The following NOL4L variants were observed in gnomAD, a reference collection of about 807,000 sequenced individuals.
NOL4L encodes the protein nucleolar protein 4-like.
Under a neutral mutation model 64.5 loss-of-function variants are expected in NOL4L, and 7 were observed. That is an observed-to-expected ratio of 0.11 (90% CI 0.06 to 0.20). The LOEUF is 0.20. Ranked by LOEUF, NOL4L falls within the 10% of genes least tolerant of loss-of-function variation. The pLI, the probability that NOL4L is intolerant of heterozygous loss-of-function variation, is 1.00. For missense variants in NOL4L, 680 were observed against 967.1 expected, an observed-to-expected ratio of 0.70 and a Z score of 3.94; for synonymous variants, 413 against 401.0, an observed-to-expected ratio of 1.03 and a Z score of -0.36.
chr20:32,486,355 G>A (rs947346821), intron 4 of NOL4L, among the ~76,000 whole-genome samples: 20 of 152,206 alleles, frequency 1.3e-4, no homozygotes, highest in African/African-American at 4.6e-4. Flanking sequence ...AGCCTGGTAG[G>A]AGACCATGGC....
intron 1 of NOL4L, among the ~76,000 whole-genome samples, chr20:32,532,997 A>T (rs1252736048): frequency 6.6e-6 from 1 of 152,218 alleles, no homozygotes; most frequent in Non-Finnish European, 1.5e-5. Context: ...TTAAAAATTT[A>T]TGGAGAAGCT....
At chr20:32,575,926 A>T (rs972226466) in intron 1 of NOL4L, among the ~76,000 whole-genome samples, 1 of 152,184 alleles carries the variant, frequency 6.6e-6, no homozygotes. Flanking sequence ...AGAGATCTGA[A>T]GAAAGAGTAT....
chr20:32,554,922 T>A lies in NOL4L; in HGVS notation c.322-27009A>T, dbSNP rs1373021828. The stretch of plus-strand genomic sequence containing the variant: ...ATTCCAGCTCCCAGCCCCAAAAGGC[T>A]AACTTTGATTACTCCTGTTTCCCCA... On this transcript the variant is annotated intron_variant, in intron 1 of 10. Coordinates refer to ENST00000621426, the MANE Select transcript of NOL4L (RefSeq NM_001256798.2). Among the ~76,000 whole-genome samples, 3 of 152,194 alleles carry A rather than the reference T, an allele frequency of 2.0e-5. No individual in the cohort carries two copies. The East Asian group carries it at 5.8e-4, about 29-fold the overall frequency.
intron 5 of NOL4L, among the ~76,000 whole-genome samples, chr20:32,461,412 CTTTCT>C (rs145990565): frequency 0.32 from 39,468 of 123,836 alleles, 6,934 homozygotes; most frequent in East Asian, 0.8. Flanking sequence ...ACCCCTCTAC[CTTTCT>C]TTTCTTTTTT....
chr20:32,580,235 G>T (rs1179728991), intron 1 of NOL4L, among the ~76,000 whole-genome samples: 2 of 152,172 alleles, frequency 1.3e-5, no homozygotes, highest in Non-Finnish European at 2.9e-5. Context: ...CCTCTAGGCT[G>T]CTGTGAGAAT....
intron 4 of NOL4L, among the ~76,000 whole-genome samples, chr20:32,477,197 C>G (rs556892129): frequency 6.6e-6 from 1 of 152,352 alleles, no homozygotes; most frequent in African/African-American, 2.4e-5. Flanking sequence ...AGGGGCCCAG[C>G]GCTCCCCTGG....
In NOL4L at chr20:32,585,279, G is replaced by T. The variant is rs1320593930; in HGVS notation, c.-389C>A. Among the ~76,000 whole-genome samples, 2 of 148,822 alleles carry T rather than the reference G, an allele frequency of 1.3e-5. No individual in the cohort carries two copies. Among genetic ancestry groups the T allele is most frequent in the African/African-American group, 4.9e-5 (2 of 41,176 alleles). ...CCCCGAGCGCTGGGAGCGAGACCGAGCCTGGGCGCGGGCGGCAGCAGTGGC... is the reference window on the plus strand; with the variant it reads ...CCCCGAGCGCTGGGAGCGAGACCGATCCTGGGCGCGGGCGGCAGCAGTGGC... On this transcript the variant is annotated 5_prime_UTR_variant, in exon 1 of 11. Transcript: ENST00000621426.
At chr20:32,497,266 C>T (rs1183747893) in intron 4 of NOL4L, among the ~76,000 whole-genome samples, 1 of 131,840 alleles carries the variant, frequency 7.6e-6, no homozygotes, top group African/African-American at 2.8e-5. Flanking sequence ...AGTCAGGTCT[C>T]CTGGAGCTGC....
intron 5 of NOL4L, among the ~76,000 whole-genome samples, chr20:32,469,105 C>T (rs1474118315): frequency 2.6e-5 from 4 of 151,736 alleles, no homozygotes; most frequent in Non-Finnish European, 4.4e-5. Context: ...GCTGGGCACA[C>T]AGCAGGGTCA....
At position 32,456,249 on chromosome 20, in the gene NOL4L, C is replaced by G; in HGVS notation, c.988G>C (p.Asp330His). The G allele has an allele frequency of 6.2e-7, 1 of 1,606,330 alleles. No individual in the cohort carries two copies. ...TTGTCACACAGGTTGATGGGCTGAT[C>G]CTCGGCGGCCGTGGTGAAGTCCATG... ...APMDFTTAAE[D>H]QPINLCDKLP... The change falls in exon 6 of 11, where the codon GAT (aspartate) becomes CAT (histidine). Residue 330 changes from aspartate (D) to histidine (H), a missense_variant. Transcript: ENST00000621426.
At chr20:32,584,167 A>ACACG (rs1980730830) in intron 1 of NOL4L, among the ~76,000 whole-genome samples, 1 of 130,416 alleles carries the variant, frequency 7.7e-6, no homozygotes, top group Admixed American at 7.5e-5. Context: ...ACACACACAC[A>ACACG]CACCGCCCAG....
At chr20:32,578,579 C>A (rs1013529356) in intron 1 of NOL4L, among the ~76,000 whole-genome samples, 7 of 152,184 alleles carry the variant, frequency 4.6e-5, no homozygotes, top group African/African-American at 1.7e-4. Flanking sequence ...CAGACGGGGT[C>A]TCACCATGTC....
intron 1 of NOL4L, chr20:32,532,504 T>A: frequency 3.0e-6 from 1 of 330,236 alleles, no homozygotes; most frequent in Non-Finnish European, 4.3e-6. Flanking sequence ...GTAATAACCT[T>A]CATGCTAAAT....
intron 10 of NOL4L, 34 bp downstream of exon 10, chr20:32,452,202 C>A: frequency 1.3e-6 from 2 of 1,490,070 alleles, no homozygotes; most frequent in Non-Finnish European, 1.8e-6. Context: ...GGGTGCTGGT[C>A]GGGAAGCCAG....
At chr20:32,452,084 CAG>C in intron 10 of NOL4L, 150 bp downstream of exon 10, 1 of 550,624 alleles carries the variant, frequency 1.8e-6, no homozygotes, top group East Asian at 3.5e-5. Flanking sequence ...GGAAGGGTGC[CAG>C]AGCCGCCCCT....
At position 32,555,314 on chromosome 20, in the gene NOL4L, T is replaced by A. The variant is rs147740186; in HGVS notation, c.322-27401A>T. Among the ~76,000 whole-genome samples, 428 of 152,226 alleles carry A rather than the reference T, an allele frequency of 2.8e-3. 1 individual carries two copies. The highest frequency in any genetic ancestry group is 9.9e-3 in the African/African-American group (412 of 41,536). On this transcript the variant is annotated intron_variant, in intron 1 of 10. Transcript: ENST00000621426. ...TTTGTGGATAGGACCTTTTTAAAAA[T>A]TTTTAAATTTCTTCTGAGAGCAAGT...
chr20:32,474,730 C>G lies in NOL4L; in HGVS notation c.712G>C (p.Val238Leu), dbSNP rs2015269044. The G allele has an allele frequency of 6.2e-7, 1 of 1,611,408 alleles. No homozygotes were observed. Among genetic ancestry groups the G allele is most frequent in the Admixed American group, 1.7e-5 (1 of 59,784 alleles). ...CTCATATCAAAATCCTCGCTGCTCACAGAAGTCTCATCCTGAGCAGGGACA... is the reference window on the plus strand; with the variant it reads ...CTCATATCAAAATCCTCGCTGCTCAGAGAAGTCTCATCCTGAGCAGGGACA... ...MNSQEQDETS[V>L]SSEDFDMSDS... The change falls in exon 5 of 11, where the codon GTG becomes CTG. Residue 238 changes from valine to leucine, a missense_variant. Transcript: ENST00000621426.
intron 4 of NOL4L, among the ~76,000 whole-genome samples, chr20:32,484,576 C>CCGCGTG (rs1300872099): frequency 6.6e-6 from 1 of 151,990 alleles, no homozygotes; most frequent in African/African-American, 2.4e-5. Flanking sequence ...CGCCCGCCGC[C>CCGCGTG]CGCGTGCCCG....
intron 1 of NOL4L, among the ~76,000 whole-genome samples, chr20:32,536,908 T>A (rs930087682): frequency 2.1e-5 from 3 of 141,580 alleles, no homozygotes; most frequent in African/African-American, 7.9e-5. Flanking sequence ...GGCCTCCCCC[T>A]GTCTCCAGCC....
Sources: allele counts gnomAD v4.1 joint callset (sites outside exome capture counted in the v4.1 genomes callset), GRCh38; gene constraint gnomAD v4.1.1; transcripts MANE v1.5; gene names NCBI Gene and HGNC (gene_info 2026-07-23, HGNC 2026-07-21).